DGKB: variants seen among roughly 807,000 people sequenced by gnomAD.
DGKB encodes the protein diacylglycerol kinase beta.
DGKB carries 67 observed loss-of-function variants against 114.3 expected under a neutral mutation model. That is an observed-to-expected ratio of 0.59 (90% CI 0.48 to 0.72). DGKB has a LOEUF of 0.72. DGKB is among the 30% of genes least tolerant of loss of function. The probability of loss-of-function intolerance (pLI) is 0.00; values close to 1 mark genes in which losing one functional copy is unlikely to be tolerated. For synonymous variants in DGKB, 398 were observed against 323.1 expected (o/e 1.23, Z -2.49); for missense variants, 907 against 975.2 (o/e 0.93, Z 0.93).
At chr7:14,392,995 G>GTTTTTGTTTCTTTTTTTTTTTTT in intron 21 of DGKB, among the ~76,000 whole-genome samples, 1 of 60,546 alleles carries the variant, frequency 1.7e-5, no homozygotes, top group Non-Finnish European at 3.4e-5. Context: ...TTTTGTTTTT[G>GTTTTTGTTTCTTTTTTTTTTTTT]TTTTTTTTTT....
chr7:14,558,993 A>G (rs886533022), intron 20 of DGKB, among the ~76,000 whole-genome samples: 1 of 152,154 alleles, frequency 6.6e-6, no homozygotes, highest in Non-Finnish European at 1.5e-5. Context: ...AAAGCAGATC[A>G]CCTGCATGTC....
At chr7:14,205,226 G>A (rs535263225) in intron 23 of DGKB, among the ~76,000 whole-genome samples, 73 of 151,976 alleles carry the variant, frequency 4.8e-4, no homozygotes, top group Admixed American at 3.0e-3. Flanking sequence ...GATTCATCCT[G>A]ATATCTGCCT....
intron 20 of DGKB, among the ~76,000 whole-genome samples, chr7:14,517,597 A>C (rs1789037719): frequency 6.6e-6 from 1 of 152,134 alleles, no homozygotes; most frequent in Non-Finnish European, 1.5e-5. Context: ...TCTACCAGAA[A>C]TTTAAACAAA....
chr7:14,408,232 T>C (rs1391989170), intron 21 of DGKB, among the ~76,000 whole-genome samples: 3 of 152,128 alleles, frequency 2.0e-5, no homozygotes, highest in Admixed American at 2.0e-4. Context: ...ATTGGGATTT[T>C]ATAGAACTTG....
chr7:14,555,793 C>A (rs1795784423), intron 20 of DGKB, among the ~76,000 whole-genome samples: 1 of 152,168 alleles, frequency 6.6e-6, no homozygotes, highest in Non-Finnish European at 1.5e-5. Context: ...CTCTGGTCGT[C>A]CTCACTGCTA....
At chr7:14,970,263 C>T (rs898894305) in intron 1 of DGKB, among the ~76,000 whole-genome samples, 6 of 152,084 alleles carry the variant, frequency 3.9e-5, no homozygotes, top group African/African-American at 9.7e-5. Context: ...AGGCATCCTG[C>T]TACATCTGGA....
chr7:14,471,110 GA>G (rs1382489326), intron 21 of DGKB, among the ~76,000 whole-genome samples: 2 of 148,438 alleles, frequency 1.3e-5, no homozygotes, highest in African/African-American at 4.9e-5. Context: ...TAGCAAAATA[GA>G]AAAAAAATAC....
chr7:14,861,746 T>C (rs1051028935), intron 1 of DGKB, among the ~76,000 whole-genome samples: 13 of 152,018 alleles, frequency 8.6e-5, no homozygotes, highest in African/African-American at 2.9e-4. Flanking sequence ...TTGCTTCATT[T>C]CCTCAGTATT....
At chr7:14,747,825 C>T (rs938984116) in intron 4 of DGKB, among the ~76,000 whole-genome samples, 2 of 145,892 alleles carry the variant, frequency 1.4e-5, no homozygotes, top group South Asian at 2.2e-4. Flanking sequence ...TTAAAAACTG[C>T]TTTCTCATTT....
intron 1 of DGKB, among the ~76,000 whole-genome samples, chr7:14,844,739 G>C (rs191916700): frequency 1.3e-4 from 20 of 152,218 alleles, no homozygotes; most frequent in Admixed American, 3.3e-4. Context: ...CCAACAACAA[G>C]TTAATTAATA....
At chr7:14,768,528 T>G (rs1836808602) in intron 2 of DGKB, among the ~76,000 whole-genome samples, 1 of 146,526 alleles carries the variant, frequency 6.8e-6, no homozygotes, top group South Asian at 2.1e-4. Flanking sequence ...CAGAAAGAGA[T>G]AATTTTCTAG....
chr7:14,164,069 A>G (rs1215188849), intron 25 of DGKB, among the ~76,000 whole-genome samples: 1 of 152,146 alleles, frequency 6.6e-6, no homozygotes, highest in African/African-American at 2.4e-5. Flanking sequence ...AAAATACTGT[A>G]GTATTTATTT....
intron 20 of DGKB, among the ~76,000 whole-genome samples, chr7:14,479,521 T>TCC (rs1440864267): frequency 2.0e-5 from 3 of 152,026 alleles, no homozygotes; most frequent in Non-Finnish European, 4.4e-5. Flanking sequence ...GTTACAAAAA[T>TCC]CCCCCTCTAC....
At chr7:14,742,094 A>G (rs1375332173) in intron 4 of DGKB, among the ~76,000 whole-genome samples, 1 of 152,192 alleles carries the variant, frequency 6.6e-6, no homozygotes, top group African/African-American at 2.4e-5. Flanking sequence ...AAAAGATATA[A>G]TGTATTCCAT....
intron 20 of DGKB, among the ~76,000 whole-genome samples, chr7:14,523,402 C>T (rs1325906955): frequency 6.6e-6 from 1 of 152,144 alleles, no homozygotes; most frequent in East Asian, 1.9e-4. Flanking sequence ...CATGCTCCCT[C>T]AGGTGCAGCC....
chr7:14,667,379 A>G lies in DGKB; in HGVS notation c.1134+5550T>C, dbSNP rs369178978. 5.3e-5 allele frequency among the ~76,000 whole-genome samples: 8 copies of G among 152,170 alleles called. No individual in the cohort carries two copies. In the East Asian group the frequency reaches 1.4e-3, roughly 26 times the overall value. On this transcript the variant is annotated intron_variant, in intron 13 of 25. Transcript: ENST00000402815. ...ATTTATAGAGGTCATTCAATAACCA[A>G]TTCCTAACTACAGAGTCAACGACTA...
chr7:14,419,082 C>A (rs1055486042), intron 21 of DGKB, among the ~76,000 whole-genome samples: 1 of 151,724 alleles, frequency 6.6e-6, no homozygotes, highest in Non-Finnish European at 1.5e-5. Flanking sequence ...ATAATAGAAT[C>A]CTTACTCTGG....
Position 14,211,339 on chromosome 7 carries a change from T to A in DGKB, c.2123-33188A>T, listed in dbSNP as rs530087791. Among the ~76,000 whole-genome samples the A allele has an allele frequency of 5.9e-4, 31 of 52,226 alleles. 2 individuals carry two copies. Among genetic ancestry groups the A allele is most frequent in the African/African-American group, 1.2e-3 (7 of 5,948 alleles). The allele number at this position is 52,226 out of a possible 152,430, so 34.3% of individuals were successfully genotyped here. On this transcript the variant is annotated intron_variant, in intron 23 of 25. Coordinates refer to ENST00000402815, the MANE Select transcript of DGKB (RefSeq NM_001350709.2). ...TGATATTTACTCTCATGTTTTGTGATTTTACTCTCATGTTTTGTGATATTT... is the reference window on the plus strand; with the variant it reads ...TGATATTTACTCTCATGTTTTGTGAATTTACTCTCATGTTTTGTGATATTT...
At chr7:14,276,518 A>G (rs185173628) in intron 23 of DGKB, among the ~76,000 whole-genome samples, 56 of 152,268 alleles carry the variant, frequency 3.7e-4, no homozygotes, top group African/African-American at 1.2e-3. Context: ...TTGTTCTGCA[A>G]TATTATATAT....
Sources: allele counts gnomAD v4.1 joint callset (sites outside exome capture counted in the v4.1 genomes callset), GRCh38; gene constraint gnomAD v4.1.1; transcripts MANE v1.5; gene names NCBI Gene and HGNC (gene_info 2026-07-23, HGNC 2026-07-21).